The following RBFOX1 variants were observed in gnomAD, a reference collection of about 807,000 sequenced individuals.
The protein encoded by RBFOX1 is RNA binding protein fox-1 homolog 1.
A neutral mutation model predicts 57.7 loss-of-function variants in RBFOX1; 8 were observed. The ratio of observed to expected loss-of-function variants is 0.14; its 90% CI spans 0.08 to 0.25. The LOEUF (loss-of-function observed/expected upper bound fraction) is 0.25. Among genes scored for constraint, RBFOX1 ranks in the 10% least tolerant of loss-of-function variants. The pLI, the probability that RBFOX1 is intolerant of heterozygous loss-of-function variation, is 1.00. For missense variants in RBFOX1, 611 were observed against 548.5 expected, an observed-to-expected ratio of 1.11 and a Z score of -1.14; for synonymous variants, 326 against 222.4, an observed-to-expected ratio of 1.47 and a Z score of -4.15.
At chr16:6,970,356 C>G (rs905931470) in intron 3 of RBFOX1, among the ~76,000 whole-genome samples, 2 of 152,152 alleles carry the variant, frequency 1.3e-5, no homozygotes, top group African/African-American at 4.8e-5. Context: ...TTAGGTTTGT[C>G]TTTTCTCAGT....
rs181916663 is a variant in RBFOX1 at position 7,481,521 on chromosome 16, T to C, written c.28-36626T>C. On this transcript the variant is annotated intron_variant, in intron 4 of 15. Coordinates refer to ENST00000550418, the MANE Select transcript of RBFOX1 (RefSeq NM_018723.4). Reference sequence around the variant, plus strand: ...AATCTATCATACCTTAATTTGATCTTACTTGCTGCTAGGCTGATTTGAAAG... The same window carrying C: ...AATCTATCATACCTTAATTTGATCTCACTTGCTGCTAGGCTGATTTGAAAG... Among the ~76,000 whole-genome samples the C allele has an allele frequency of 4.6e-3, 702 of 152,340 alleles. 11 individuals carry two copies. Among genetic ancestry groups the C allele is most frequent in the Non-Finnish European group, 3.2e-3 (221 of 68,034 alleles).
intron 1 of RBFOX1, among the ~76,000 whole-genome samples, chr16:6,210,361 C>CAAAAAAAAAAAAAAAAAAAAAAAAAA (rs3064933): frequency 8.1e-5 from 5 of 61,454 alleles, no homozygotes; most frequent in Non-Finnish European, 1.0e-4. Flanking sequence ...AAAAAAACAC[C>CAAAAAAAAAAAAAAAAAAAAAAAAAA]AAAAAAAAAA....
chr16:6,342,657 C>G (rs1006776967), intron 2 of RBFOX1, among the ~76,000 whole-genome samples: 1 of 152,126 alleles, frequency 6.6e-6, no homozygotes. Context: ...AATGCACATT[C>G]CTGTCCATTT....
chr16:6,992,016 C>A (rs1315630357), intron 3 of RBFOX1, among the ~76,000 whole-genome samples: 1 of 151,966 alleles, frequency 6.6e-6, no homozygotes, highest in East Asian at 1.9e-4. Context: ...GAAAACTACA[C>A]CTTGAAAACT....
At chr16:7,155,154 G>A (rs1180046784) in intron 4 of RBFOX1, among the ~76,000 whole-genome samples, 1 of 152,152 alleles carries the variant, frequency 6.6e-6, no homozygotes, top group Non-Finnish European at 1.5e-5. Flanking sequence ...GATTTTTGAA[G>A]AGGCTGAGTA....
intron 3 of RBFOX1, among the ~76,000 whole-genome samples, chr16:7,025,924 G>A (rs576236859): frequency 4.6e-4 from 70 of 152,254 alleles, no homozygotes; most frequent in South Asian, 6.2e-4. Context: ...GACCCCTCTC[G>A]GGAGCTCCCA....
At chr16:7,077,596 A>G (rs1300747688) in intron 4 of RBFOX1, among the ~76,000 whole-genome samples, 1 of 152,270 alleles carries the variant, frequency 6.6e-6, no homozygotes, top group Non-Finnish European at 1.5e-5. Context: ...TCCTCAGCAA[A>G]TGTTCAGTAT....
intron 14 of RBFOX1, among the ~76,000 whole-genome samples, chr16:7,703,857 A>C (rs954736750): frequency 6.6e-6 from 1 of 152,230 alleles, no homozygotes; most frequent in Non-Finnish European, 1.5e-5. Flanking sequence ...AAGCATCTGT[A>C]ATTTGATCGG....
intron 2 of RBFOX1, among the ~76,000 whole-genome samples, chr16:6,524,405 T>C (rs1033632349): frequency 1.1e-4 from 16 of 152,234 alleles, no homozygotes; most frequent in African/African-American, 3.9e-4. Flanking sequence ...GATGGGCACT[T>C]AGGTTATTTC....
chr16:7,499,908 C>A (rs77974158), intron 4 of RBFOX1, among the ~76,000 whole-genome samples: 2 of 151,282 alleles, frequency 1.3e-5, no homozygotes. Flanking sequence ...AAAAAAAAAA[C>A]ATTGTTCACT....
chr16:5,803,101 T>C (rs1055192164), intron 3 of RBFOX1, among the ~76,000 whole-genome samples: 3 of 151,968 alleles, frequency 2.0e-5, no homozygotes, highest in African/African-American at 4.8e-5. Context: ...CAGGAATGGG[T>C]TGGATGGGAC....
At chr16:7,183,595 A>G (rs957056565) in intron 4 of RBFOX1, among the ~76,000 whole-genome samples, 1 of 152,138 alleles carries the variant, frequency 6.6e-6, no homozygotes, top group Admixed American at 6.5e-5. Context: ...TTTTTTTTCC[A>G]GGCTTTCAGA....
At chr16:6,821,390 C>A (rs984756464) in intron 3 of RBFOX1, among the ~76,000 whole-genome samples, 10 of 152,310 alleles carry the variant, frequency 6.6e-5, no homozygotes, top group Non-Finnish European at 5.9e-5. Flanking sequence ...TAAAAAATTT[C>A]ATTGAGGTGT....
intron 1 of RBFOX1, among the ~76,000 whole-genome samples, chr16:6,103,623 T>A (rs2096341813): frequency 6.6e-6 from 1 of 152,108 alleles, no homozygotes; most frequent in Non-Finnish European, 1.5e-5. Flanking sequence ...GTTTCCTGGC[T>A]TCAGTCACCC....
At chr16:7,558,929 A>G (rs1364102040) in intron 5 of RBFOX1, among the ~76,000 whole-genome samples, 3 of 152,244 alleles carry the variant, frequency 2.0e-5, no homozygotes, top group Non-Finnish European at 4.4e-5. Flanking sequence ...ATGCTAAATG[A>G]ACCCCACTGT....
At position 7,102,174 on chromosome 16, in the gene RBFOX1, A is replaced by G. The variant is rs1012001025; in HGVS notation, c.27+50076A>G. Among the ~76,000 whole-genome samples the G allele has an allele frequency of 5.3e-5, 8 of 152,322 alleles. No individual in the cohort carries two copies. In the South Asian group the frequency reaches 1.7e-3, roughly 32 times the overall value. Reference sequence around the variant, plus strand: ...CACTCCTCTTACTCACACTCATCGGATTCCAGTTAAGCCACTGTTTGCAGG... The same window carrying G: ...CACTCCTCTTACTCACACTCATCGGGTTCCAGTTAAGCCACTGTTTGCAGG... On this transcript the variant is annotated intron_variant, in intron 4 of 15. Transcript: ENST00000550418.
At chr16:5,557,546 C>G (rs1054306835) in intron 2 of RBFOX1, among the ~76,000 whole-genome samples, 10 of 152,114 alleles carry the variant, frequency 6.6e-5, no homozygotes, top group Non-Finnish European at 1.2e-4. Context: ...AGGGATCACT[C>G]CAGGAAGGCA....
At chr16:6,806,272 C>T (rs888717712) in intron 3 of RBFOX1, among the ~76,000 whole-genome samples, 2 of 152,056 alleles carry the variant, frequency 1.3e-5, no homozygotes, top group African/African-American at 4.8e-5. Flanking sequence ...CTTTTCCTTC[C>T]TGAAAGTCAT....
intron 1 of RBFOX1, 40 bp from the exon 2 acceptor site, chr16:6,316,955 A>T: frequency 6.7e-7 from 1 of 1,503,432 alleles, no homozygotes; most frequent in Non-Finnish European, 8.9e-7. Context: ...TCAAGAATAC[A>T]TTTCTTGATA....
Sources: allele counts gnomAD v4.1 joint callset (sites outside exome capture counted in the v4.1 genomes callset), GRCh38; gene constraint gnomAD v4.1.1; transcripts MANE v1.5; gene names NCBI Gene and HGNC (gene_info 2026-07-23, HGNC 2026-07-21).